The following PDE4DIP variants were observed in gnomAD, a reference collection of about 807,000 sequenced individuals.
PDE4DIP encodes phosphodiesterase 4D interacting protein, also known as myomegalin.
PDE4DIP carries 59 observed loss-of-function variants against 221.4 expected under a neutral mutation model. The ratio of observed to expected loss-of-function variants is 0.27; its 90% CI spans 0.22 to 0.33. The LOEUF (loss-of-function observed/expected upper bound fraction) is 0.33, where lower values mean the gene tolerates loss of function less well. Among genes scored for constraint, PDE4DIP ranks in the 10% least tolerant of loss-of-function variants. The pLI is 1.00. For synonymous variants in PDE4DIP, 404 were observed against 815.9 expected, an observed-to-expected ratio of 0.50 and a Z score of 8.60; for missense variants, 1,036 against 2,154.2, an observed-to-expected ratio of 0.48 and a Z score of 10.28.
At chr1:148,955,331 C>T (rs1429825192) in intron 5 of PDE4DIP, among the ~76,000 whole-genome samples, 1 of 151,232 alleles carries the variant, frequency 6.6e-6, no homozygotes, top group Non-Finnish European at 1.5e-5. Flanking sequence ...ACTCGTCCCC[C>T]CAGCCCGCCA....
At chr1:148,971,122 C>G (rs1199677687) in intron 14 of PDE4DIP, among the ~76,000 whole-genome samples, 1 of 152,052 alleles carries the variant, frequency 6.6e-6, no homozygotes, top group East Asian at 1.9e-4. Flanking sequence ...CATCATCTGT[C>G]TTAGAAAACT....
intron 1 of PDE4DIP, among the ~76,000 whole-genome samples, chr1:148,838,930 C>T (rs1485679865): frequency 4.5e-5 from 1 of 22,300 alleles, no homozygotes; most frequent in Non-Finnish European, 1.1e-4. Flanking sequence ...ACATTTTTCT[C>T]GAGGCCTTTC....
In PDE4DIP at chr1:149,017,669, C is replaced by T; in HGVS notation, c.5519-79C>T. On this transcript the variant is annotated intron_variant, in intron 33 of 43. Coordinates refer to ENST00000369354, the Ensembl canonical transcript of PDE4DIP. ...ATTTACAGGTCTTGCTGCAGGTCCC[C>T]TAGCCGAGCCCCACCCCCATCAGTA... 8 of 815,066 alleles carry T rather than the reference C, an allele frequency of 9.8e-6. 1 individual carries two copies. In the South Asian group the frequency reaches 1.2e-4, roughly 12 times the overall value. The allele number at this position is 815,066 out of a possible 1,614,324, so 50.5% of individuals were successfully genotyped here.
At chr1:148,828,944 G>A (rs1374772503) in intron 1 of PDE4DIP, among the ~76,000 whole-genome samples, 2 of 150,424 alleles carry the variant, frequency 1.3e-5, no homozygotes, top group African/African-American at 4.9e-5. Context: ...ATGAATGAAC[G>A]AATGAATGAG....
chr1:148,972,328 G>A (rs1553529961), exon 15 of PDE4DIP: 2 of 802,808 alleles, frequency 2.5e-6, no homozygotes, highest in South Asian at 2.8e-5. Flanking sequence ...GGCCGTCTTG[G>A]AAAACAGACT....
chr1:148,986,863 C>T (rs1361252847), intron 21 of PDE4DIP, among the ~76,000 whole-genome samples: 1 of 152,132 alleles, frequency 6.6e-6, no homozygotes, highest in Non-Finnish European at 1.5e-5. Context: ...ATAAAAGAGA[C>T]CATGAGCAGG....
At position 148,976,644 on chromosome 1, in the gene PDE4DIP, A is replaced by G. The variant is rs587697185; in HGVS notation, c.2320-1293A>G. 2.8e-3 allele frequency among the ~76,000 whole-genome samples: 434 copies of G among 152,300 alleles called. 2 individuals are homozygous for G. The highest frequency in any genetic ancestry group is 0.01 in the African/African-American group (417 of 41,548). On this transcript the variant is annotated intron_variant, in intron 17 of 43. Transcript: ENST00000369354. ...TAGTTAATTTCTATTGGGGAGATACAGACAATAAATAAATAAACATTATAG... is the reference window on the plus strand; with the variant it reads ...TAGTTAATTTCTATTGGGGAGATACGGACAATAAATAAATAAACATTATAG...
chr1:149,010,190 A>G (rs1553603862), intron 30 of PDE4DIP, among the ~76,000 whole-genome samples: 1 of 152,170 alleles, frequency 6.6e-6, no homozygotes, highest in Admixed American at 6.5e-5. Context: ...AGATGCTGCT[A>G]GTCTTGCCTG....
chr1:149,010,378 A>G, intron 30 of PDE4DIP, 65 bp from the exon 34 acceptor site: 2 of 1,494,008 alleles, frequency 1.3e-6, no homozygotes, highest in Admixed American at 1.7e-5. Context: ...CTGGGTAAAC[A>G]TAAGGCCAGG....
intron 35 of PDE4DIP, chr1:149,019,728 T>C (rs2072025007): frequency 1.3e-5 from 2 of 153,848 alleles, no homozygotes; most frequent in Non-Finnish European, 2.9e-5. Flanking sequence ...CAATAATCTT[T>C]GACAACTTGT....
In PDE4DIP at chr1:148,866,598, A is replaced by AAGGG. The variant is rs1423713694; in HGVS notation, c.290-1870_290-1869insGAGG. ...GAAGGAAGGAAGGAAGGAAGGAAGG[A>AAGGG]AGGAAGGAAGGGAGGGAGGGAGGGA... is the stretch of plus-strand genomic sequence containing the variant. On this transcript the variant is annotated intron_variant, in intron 2 of 45. Coordinates refer to the PDE4DIP transcript ENST00000524974. 295 of 39,034 alleles carry AAGGG rather than the reference A, an allele frequency of 7.6e-3. 1 individual carries two copies. The highest frequency in any genetic ancestry group is 0.028 in the African/African-American group (209 of 7,406). 2.4% of individuals were successfully genotyped at this position (39,034 alleles called of 1,614,324 possible). A position where few individuals can be genotyped will look rare whatever the true frequency, so the allele number is the denominator to read the frequency against.
chr1:148,830,294 G>C (rs1778748), intron 1 of PDE4DIP, among the ~76,000 whole-genome samples: 21 of 22,906 alleles, frequency 9.2e-4, no homozygotes, highest in East Asian at 3.8e-3. Context: ...AACTGCTCCT[G>C]GTCCTGATTT....
intron 1 of PDE4DIP, among the ~76,000 whole-genome samples, chr1:148,924,214 T>A (rs1173836509): frequency 6.6e-6 from 1 of 152,130 alleles, no homozygotes; most frequent in Non-Finnish European, 1.5e-5. Context: ...AGAGATAAAG[T>A]AAGGCTTCAC....
rs587768135 is a variant in PDE4DIP, at chr1:148,955,234, T to A, written c.637-5420T>A. On this transcript the variant is annotated intron_variant, in intron 5 of 43. Coordinates refer to ENST00000369354, the Ensembl canonical transcript of PDE4DIP. ...CTAAATTTGGGCTTTACAGTATTTC[T>A]GTGACTAGACATAGGTGTTACAAAT... Among the ~76,000 whole-genome samples, 104 of 152,380 alleles carry A rather than the reference T, an allele frequency of 6.8e-4. 1 individual carries two copies. The highest frequency in any genetic ancestry group is 1.2e-3 in the Non-Finnish European group (85 of 68,026).
chr1:148,962,931 C>T (rs1199168923), intron 9 of PDE4DIP, among the ~76,000 whole-genome samples: 3 of 152,150 alleles, frequency 2.0e-5, no homozygotes, highest in Admixed American at 1.3e-4. Context: ...CTCGCTCTGT[C>T]GCCAAGGTTG....
At chr1:148,990,510 G>T (rs1401252527) in intron 21 of PDE4DIP, 2 of 242,522 alleles carry the variant, frequency 8.2e-6, no homozygotes, top group Non-Finnish European at 1.3e-5. Context: ...CAAAGATAAA[G>T]ATCAGATTTG....
chr1:149,029,925 C>T (rs373709282), exon 42 of PDE4DIP: 275 of 1,389,178 alleles, frequency 2.0e-4, no homozygotes, highest in Admixed American at 7.3e-4. Context: ...CGTCAGCCAG[C>T]GTAGGTTCCC....
intron 13 of PDE4DIP, among the ~76,000 whole-genome samples, chr1:148,968,155 T>C (rs1553520718): frequency 6.7e-6 from 1 of 150,080 alleles, no homozygotes; most frequent in African/African-American, 2.4e-5. Flanking sequence ...ACATGATAGC[T>C]AACCTTTATT....
chr1:148,990,360 T>C (rs1313239378), intron 21 of PDE4DIP: 1 of 985,104 alleles, frequency 1.0e-6, no homozygotes, highest in Non-Finnish European at 1.2e-6. Context: ...TGAGCATTTA[T>C]TTGTCTCCGT....
Sources: gnomAD v4.1 joint callset for allele counts (sites outside exome capture counted in the v4.1 genomes callset) on GRCh38, gnomAD v4.1.1 for gene constraint, MANE v1.5 for transcripts, NCBI Gene and HGNC (gene_info 2026-07-23, HGNC 2026-07-21) for gene names.